The following CCDC66 variants were observed in gnomAD, a reference collection of about 807,000 sequenced individuals.
CCDC66 encodes coiled-coil domain containing 66.
A neutral mutation model predicts 128.3 loss-of-function variants in CCDC66; 133 were observed. The observed-to-expected ratio is 1.04, with a 90% CI of 0.90 to 1.20. The LOEUF (loss-of-function observed/expected upper bound fraction) is 1.20. CCDC66 is among the 50% of genes most tolerant of loss of function. The pLI is 0.00. For synonymous variants in CCDC66, 387 were observed against 357.0 expected (o/e 1.08, Z -0.95); for missense variants, 1,126 against 1,075.5 (o/e 1.05, Z -0.66).
rs1171038658 is a variant in CCDC66, at chr3:56,621,753, T to C, written c.*135T>C. The C allele has an allele frequency of 1.2e-5, 6 of 512,302 alleles. No individual in the cohort carries two copies. Among genetic ancestry groups the C allele is most frequent in the Non-Finnish European group, 2.1e-5 (6 of 291,038 alleles). The allele number at this position is 512,302 out of a possible 1,614,324, so 31.7% of individuals were successfully genotyped here. Reference sequence around the variant, plus strand: ...ATGCTCATTAAAAACTTGTATACTATGTAGTAAAATGCTGTACTTGTTCTA... The same window carrying C: ...ATGCTCATTAAAAACTTGTATACTACGTAGTAAAATGCTGTACTTGTTCTA... On this transcript the variant is annotated 3_prime_UTR_variant, in exon 18 of 18. Transcript: ENST00000394672.
chr3:56,591,586 G>C (rs1163412512), intron 7 of CCDC66, among the ~76,000 whole-genome samples: 1 of 152,156 alleles, frequency 6.6e-6, no homozygotes, highest in Non-Finnish European at 1.5e-5. Context: ...CCACAGGTTG[G>C]ACAATGCTCG....
At position 56,609,939 on chromosome 3, in the gene CCDC66, TC is replaced by T. The variant is rs546517841; in HGVS notation, c.1405-3649del. ...AGCTTGTAGGGTTTCTGCTGAGAAA[TC>T]TGCTGTTAATCTGATAGGTTTTCCT... On this transcript the variant is annotated intron_variant, in intron 10 of 17. Coordinates refer to ENST00000394672, the MANE Select transcript of CCDC66 (RefSeq NM_001141947.3). Among the ~76,000 whole-genome samples, 35 of 152,322 alleles carry T rather than the reference TC, an allele frequency of 2.3e-4. No homozygotes were observed. The East Asian group carries it at 6.7e-3, about 29-fold the overall frequency.
intron 1 of CCDC66, 76 bp downstream of exon 1, chr3:56,557,329 G>A: frequency 1.3e-6 from 2 of 1,530,830 alleles, no homozygotes; most frequent in South Asian, 2.4e-5. Flanking sequence ...GTGTGTCTGG[G>A]TTGTCCCTTG....
At chr3:56,603,592 G>A (rs1392269202) in intron 10 of CCDC66, among the ~76,000 whole-genome samples, 2 of 151,988 alleles carry the variant, frequency 1.3e-5, no homozygotes, top group African/African-American at 2.4e-5. Flanking sequence ...GTAGTTGAGC[G>A]GTTTTGAGTG....
At chr3:56,597,775 G>GGGTTTTTTTTTTTGGTTTTTTTT in intron 10 of CCDC66, among the ~76,000 whole-genome samples, 1 of 7,670 alleles carries the variant, frequency 1.3e-4, no homozygotes, top group African/African-American at 2.5e-4. Context: ...TTTTGTTTTG[G>GGGTTTTTTTTTTTGGTTTTTTTT]GGTTTTTTTT....
In CCDC66 at chr3:56,613,601, G is replaced by A; in HGVS notation, c.1417G>A (p.Ala473Thr). ...TGCTTATGACTAGAAAGCCATCACT[G>A]CCCAGGTAGAAGAGAAGCGCAGGAA... Reference protein sequence around the residue: ...KQLEHQKAITAQVEEKRRKKQ... With the variant: ...KQLEHQKAITTQVEEKRRKKQ... Residue 473 changes from alanine to threonine, a missense_variant, in exon 11 of 18, where the codon GCC (alanine) becomes ACC (threonine). By Grantham distance (58) the Ala-to-Thr change is moderately conservative. Transcript: ENST00000394672. The A allele has an allele frequency of 6.2e-7, 1 of 1,612,586 alleles. No individual in the cohort carries two copies. Among genetic ancestry groups the A allele is most frequent in the Non-Finnish European group, 8.5e-7 (1 of 1,179,586 alleles).
intron 4 of CCDC66, among the ~76,000 whole-genome samples, chr3:56,566,283 C>G (rs1011742334): frequency 2.0e-5 from 3 of 152,160 alleles, no homozygotes; most frequent in African/African-American, 7.2e-5. Context: ...TGCCACCACA[C>G]CTACCTAATT....
chr3:56,621,685 C>CAACT lies in CCDC66; in HGVS notation c.*68_*71dup, dbSNP rs2076657042. 4.5e-6 allele frequency: 5 copies of CAACT among 1,099,468 alleles called. No homozygotes were observed. The highest frequency in any genetic ancestry group is 6.7e-6 in the Non-Finnish European group (5 of 750,328). The allele number at this position is 1,099,468 out of a possible 1,614,324, so 68.1% of individuals were successfully genotyped here. Reference sequence around the variant, plus strand: ...AAATTATAAAATGTGCTCACTGGCTCAACTGTATTTTTCAAATAGCCTAGA... The same window carrying CAACT: ...AAATTATAAAATGTGCTCACTGGCTCAACTAACTGTATTTTTCAAATAGCCTAGA... On this transcript the variant is annotated 3_prime_UTR_variant, in exon 18 of 18. Coordinates refer to ENST00000394672, the MANE Select transcript of CCDC66 (RefSeq NM_001141947.3).
chr3:56,611,753 TTC>T (rs1319349864), intron 10 of CCDC66, among the ~76,000 whole-genome samples: 2 of 152,160 alleles, frequency 1.3e-5, no homozygotes, highest in East Asian at 1.9e-4. Flanking sequence ...CCCAGTGTCT[TTC>T]TGCTACTTCC....
At chr3:56,621,168 AC>A (rs1250354764) in intron 17 of CCDC66, 5 of 150,340 alleles carry the variant, frequency 3.3e-5, no homozygotes, top group Admixed American at 6.8e-5. Flanking sequence ...CCAAAAAAAA[AC>A]AAAACAACAA....
chr3:56,606,843 T>TA (rs538415726), intron 10 of CCDC66, among the ~76,000 whole-genome samples: 10 of 152,154 alleles, frequency 6.6e-5, no homozygotes, highest in African/African-American at 2.4e-4. Flanking sequence ...AGGATCCAGT[T>TA]TCATTCTCCT....
Position 56,617,384 on chromosome 3 carries a change from A to C in CCDC66, c.2116A>C (p.Asn706His), listed in dbSNP as rs185913118. 3.1e-6 allele frequency: 5 copies of C among 1,613,946 alleles called. No individual in the cohort carries two copies. Among genetic ancestry groups the C allele is most frequent in the East Asian group, 2.2e-5 (1 of 44,866 alleles). Residue 706 changes from asparagine to histidine, a missense_variant, in exon 14 of 18, where the codon AAT becomes CAT. Coordinates refer to ENST00000394672, the MANE Select transcript of CCDC66 (RefSeq NM_001141947.3). ...TCCTAAAAGGCCTGATTGGAATATA[A>C]ATAAGCCACCTAAAAGGTATATTCC... Reference protein sequence around the residue: ...KYPKRPDWNINKPPKRYIPAS... With the variant: ...KYPKRPDWNIHKPPKRYIPAS...
At chr3:56,569,301 T>G in intron 6 of CCDC66, 1 of 320,556 alleles carries the variant, frequency 3.1e-6, no homozygotes, top group Non-Finnish European at 6.7e-6. Context: ...AAGAGGTTTA[T>G]TTGGCCCACA....
intron 10 of CCDC66, among the ~76,000 whole-genome samples, chr3:56,606,073 A>G (rs1253366390): frequency 6.6e-6 from 1 of 152,038 alleles, no homozygotes; most frequent in Admixed American, 6.5e-5. Context: ...TTACACTATG[A>G]GGGTAGAACC....
Position 56,615,906 on chromosome 3 carries a change from G to C in CCDC66, c.1712-16G>C. The C allele has an allele frequency of 6.3e-7, 1 of 1,579,448 alleles. No individual in the cohort carries two copies. The highest frequency in any genetic ancestry group is 8.6e-7 in the Non-Finnish European group (1 of 1,161,062). On this transcript the variant is annotated splice_polypyrimidine_tract_variant and intron_variant, in intron 12 of 17. Transcript: ENST00000394672. ...TTCCTTAAGTGTTGTTTTATCAGGTGATTTCTCTTTGCCAGTTGATACAAT... is the reference window on the plus strand; with the variant it reads ...TTCCTTAAGTGTTGTTTTATCAGGTCATTTCTCTTTGCCAGTTGATACAAT...
At chr3:56,604,594 TG>T (rs1358882649) in intron 10 of CCDC66, among the ~76,000 whole-genome samples, 12 of 151,860 alleles carry the variant, frequency 7.9e-5, no homozygotes, top group Non-Finnish European at 7.4e-5. Flanking sequence ...TTTTTAAGAA[TG>T]TTGAATATTG....
Position 56,618,124 on chromosome 3 carries a change from G to A in CCDC66, c.2338-48G>A, listed in dbSNP as rs371163625. 184 of 1,415,134 alleles carry A rather than the reference G, an allele frequency of 1.3e-4. No individual in the cohort carries two copies. In the African/African-American group the frequency reaches 2.4e-3, roughly 18 times the overall value. The allele number at this position is 1,415,134 out of a possible 1,614,324, so 87.7% of individuals were successfully genotyped here. A position where few individuals can be genotyped will look rare whatever the true frequency, so the allele number is the denominator to read the frequency against. On this transcript the variant is annotated intron_variant, in intron 14 of 17. Transcript: ENST00000394672. ...GCCCTAAAAATATTTGTGGGGACATGTGAAGATGCTATATATTCCTTTCTG... is the reference window on the plus strand; with the variant it reads ...GCCCTAAAAATATTTGTGGGGACATATGAAGATGCTATATATTCCTTTCTG...
chr3:56,619,566 G>A, intron 16 of CCDC66, 39 bp downstream of exon 16: 1 of 1,506,030 alleles, frequency 6.6e-7, no homozygotes, highest in South Asian at 1.3e-5. Context: ...AAAAATTGAA[G>A]ACCCATGTAA....
intron 7 of CCDC66, among the ~76,000 whole-genome samples, chr3:56,590,500 T>C (rs2070681807): frequency 6.6e-6 from 1 of 152,136 alleles, no homozygotes. Context: ...GAATAGGCCA[T>C]GTGCAGTGGC....
Sources: allele counts gnomAD v4.1 joint callset (sites outside exome capture counted in the v4.1 genomes callset), GRCh38; gene constraint gnomAD v4.1.1; transcripts MANE v1.5; gene names NCBI Gene and HGNC (gene_info 2026-07-23, HGNC 2026-07-21).